The following SRGAP2 variants were observed in gnomAD, a reference collection of about 807,000 sequenced individuals.
SRGAP2 encodes SLIT-ROBO Rho GTPase activating protein 2.
SRGAP2 carries 15 observed loss-of-function variants against 57.2 expected under a neutral mutation model. That is an observed-to-expected ratio of 0.26 (90% CI 0.18 to 0.40). The LOEUF (loss-of-function observed/expected upper bound fraction) is 0.40, where lower values mean the gene tolerates loss of function less well. Among genes scored for constraint, SRGAP2 ranks in the 10% least tolerant of loss-of-function variants. SRGAP2 has a pLI of 1.00. For synonymous variants in SRGAP2, 249 were observed against 248.0 expected (o/e 1.00, Z -0.04); for missense variants, 520 against 669.6 (o/e 0.78, Z 2.47).
At chr1:206,389,207 C>T (rs1360683889) in intron 5 of SRGAP2, among the ~76,000 whole-genome samples, 2 of 113,134 alleles carry the variant, frequency 1.8e-5, no homozygotes, top group African/African-American at 3.7e-5. Flanking sequence ...TGGAGTCTTG[C>T]TCTGTTGCCC....
chr1:206,383,522 A>C (rs1655905396), intron 4 of SRGAP2, among the ~76,000 whole-genome samples: 1 of 152,180 alleles, frequency 6.6e-6, no homozygotes, highest in Admixed American at 6.5e-5. Context: ...GGTAGAAATA[A>C]AGCAAGTAAG....
At chr1:206,371,513 G>A (rs1235418966) in intron 4 of SRGAP2, among the ~76,000 whole-genome samples, 7 of 149,024 alleles carry the variant, frequency 4.7e-5, no homozygotes, top group African/African-American at 1.7e-4. Flanking sequence ...GGCAGATCAC[G>A]AGGTCAGGAG....
chr1:206,226,837 C>T (rs1285454518), intron 2 of SRGAP2, among the ~76,000 whole-genome samples: 5 of 152,122 alleles, frequency 3.3e-5, no homozygotes, highest in Non-Finnish European at 5.9e-5. Flanking sequence ...TTTGCACCAC[C>T]CCAAGTTCAG....
chr1:206,382,721 A>C (rs1655816789), intron 4 of SRGAP2, among the ~76,000 whole-genome samples: 2 of 150,538 alleles, frequency 1.3e-5, no homozygotes, highest in Non-Finnish European at 1.5e-5. Flanking sequence ...TGTACCTTGA[A>C]AAAAAGCAAG....
chr1:206,243,302 G>T (rs1571657880), intron 2 of SRGAP2, among the ~76,000 whole-genome samples: 1 of 128,954 alleles, frequency 7.8e-6, no homozygotes, highest in Non-Finnish European at 1.6e-5. Context: ...GACTGGACAG[G>T]GAATAAAACC....
intron 4 of SRGAP2, among the ~76,000 whole-genome samples, chr1:206,374,117 C>T (rs1654990539): frequency 6.7e-6 from 1 of 150,102 alleles, no homozygotes; most frequent in South Asian, 2.1e-4. Flanking sequence ...CTCCGCCTCC[C>T]GGGTTCACGC....
intron 3 of SRGAP2, among the ~76,000 whole-genome samples, chr1:206,331,646 T>C (rs1674365327): frequency 8.1e-6 from 1 of 122,948 alleles, no homozygotes; most frequent in African/African-American, 3.4e-5. Context: ...CCTTTTTTTG[T>C]TTTCCATTTG....
intron 21 of SRGAP2, among the ~76,000 whole-genome samples, chr1:206,457,136 C>T (rs1237849765): frequency 1.3e-5 from 2 of 152,076 alleles, no homozygotes; most frequent in East Asian, 1.9e-4. Context: ...GGACATGGCA[C>T]ACCACAGCCA....
chr1:206,314,288 C>A (rs61816780), intron 3 of SRGAP2, among the ~76,000 whole-genome samples: 1 of 151,736 alleles, frequency 6.6e-6, no homozygotes, highest in Non-Finnish European at 1.5e-5. Flanking sequence ...GCATGCGCCA[C>A]GACGCCAGGC....
chr1:206,360,681 A>G (rs1391001116), intron 4 of SRGAP2, among the ~76,000 whole-genome samples: 1 of 152,240 alleles, frequency 6.6e-6, no homozygotes, highest in African/African-American at 2.4e-5. Context: ...GATGACCCCA[A>G]GCATTCTGGC....
Position 206,394,107 on chromosome 1 carries a change from T to C in SRGAP2, c.831+434T>C, listed in dbSNP as rs570043011. ...TGTCCCCCAGGCTGGAGTGCAGTGG[T>C]GCAATCTTGGCTCACTGCAACCTCC... On this transcript the variant is annotated intron_variant, in intron 7 of 22. Coordinates refer to ENST00000573034, the MANE Select transcript of SRGAP2 (RefSeq NM_015326.5). Among the ~76,000 whole-genome samples the C allele has an allele frequency of 4.9e-3, 602 of 122,876 alleles. 6 individuals are homozygous for C. The highest frequency in any genetic ancestry group is 0.019 in the African/African-American group (575 of 30,782). 80.6% of individuals were successfully genotyped at this position (122,876 alleles called of 152,430 possible). A position where few individuals can be genotyped will look rare whatever the true frequency, so the allele number is the denominator to read the frequency against.
chr1:206,318,489 C>T (rs1424426278), intron 3 of SRGAP2, among the ~76,000 whole-genome samples: 1 of 152,216 alleles, frequency 6.6e-6, no homozygotes, highest in Non-Finnish European at 1.5e-5. Context: ...TCCTTTCTTA[C>T]CACAGAGTCC....
At chr1:206,372,968 T>TC (rs1347274516) in intron 4 of SRGAP2, among the ~76,000 whole-genome samples, 414 of 17,074 alleles carry the variant, frequency 0.024, 63 homozygotes, top group African/African-American at 0.029. Context: ...TTCTTTCCTT[T>TC]CTTTCTTTCT....
At chr1:206,277,835 C>T (rs1345131992) in intron 2 of SRGAP2, among the ~76,000 whole-genome samples, 62 of 152,160 alleles carry the variant, frequency 4.1e-4, no homozygotes, top group Admixed American at 1.0e-3. Context: ...AAAAAATTAG[C>T]CGGCATGGTG....
rs782632948 is a variant in SRGAP2, at chr1:206,450,382, G to T, written c.2100-4G>T. 1.3e-6 allele frequency: 1 copy of T among 780,790 alleles called. No homozygotes were observed. The highest frequency in any genetic ancestry group is 1.3e-5 in the South Asian group (1 of 74,608). 48.4% of individuals were successfully genotyped at this position (780,790 alleles called of 1,614,324 possible). On this transcript the variant is annotated splice_region_variant and splice_polypyrimidine_tract_variant and intron_variant, in intron 18 of 22. Transcript: ENST00000573034. ...TGTCCCTGTCACTCTTGCTTCTGTT[G>T]CAGTGATAGCCCTCATGGAGAGACT...
intron 14 of SRGAP2, among the ~76,000 whole-genome samples, chr1:206,436,181 A>G (rs1553369970): frequency 6.6e-6 from 1 of 152,152 alleles, no homozygotes. Flanking sequence ...GGGAAGCCAA[A>G]AGATTGGATG....
At chr1:206,325,703 T>C (rs1553329684) in intron 3 of SRGAP2, among the ~76,000 whole-genome samples, 2 of 151,942 alleles carry the variant, frequency 1.3e-5, no homozygotes, top group African/African-American at 4.8e-5. Flanking sequence ...GAAATGCTAG[T>C]TGGTGACCTA....
chr1:206,459,010 C>T, intron 22 of SRGAP2, 63 bp downstream of exon 22: 1 of 657,378 alleles, frequency 1.5e-6, no homozygotes, highest in Non-Finnish European at 2.8e-6. Flanking sequence ...TTAGTGCCAC[C>T]CACCTAATTA....
chr1:206,262,886 T>G (rs1558262405), intron 2 of SRGAP2, among the ~76,000 whole-genome samples: 2 of 113,082 alleles, frequency 1.8e-5, no homozygotes, highest in Admixed American at 8.7e-5. Context: ...GTTTTGTTTT[T>G]TTTTTTTTTG....
Sources: allele counts gnomAD v4.1 joint callset (sites outside exome capture counted in the v4.1 genomes callset), GRCh38; gene constraint gnomAD v4.1.1; transcripts MANE v1.5; gene names NCBI Gene and HGNC (gene_info 2026-07-23, HGNC 2026-07-21).